TMEM132B: variants seen among roughly 807,000 people sequenced by gnomAD.
TMEM132B encodes transmembrane protein 132B.
A neutral mutation model predicts 90.8 loss-of-function variants in TMEM132B; 18 were observed. The ratio of observed to expected loss-of-function variants is 0.20; its 90% CI spans 0.14 to 0.29. The LOEUF is 0.29. Among genes scored for constraint, TMEM132B ranks in the 10% least tolerant of loss-of-function variants. The pLI, the probability that TMEM132B is intolerant of heterozygous loss-of-function variation, is 1.00. For synonymous variants in TMEM132B, 504 were observed against 523.3 expected, an observed-to-expected ratio of 0.96 and a Z score of 0.50; for missense variants, 1,096 against 1,326.8, an observed-to-expected ratio of 0.83 and a Z score of 2.70.
chr12:125,650,523 T>C (rs1352858653), intron 6 of TMEM132B, among the ~76,000 whole-genome samples, 160 bp from the exon 7 acceptor site: 1 of 152,170 alleles, frequency 6.6e-6, no homozygotes, highest in Non-Finnish European at 1.5e-5. Context: ...GCTTGTGGAA[T>C]GAGTGAATGA....
At chr12:125,283,247 G>A (rs1464400812) in intron 1 of TMEM132B, among the ~76,000 whole-genome samples, 1 of 151,998 alleles carries the variant, frequency 6.6e-6, no homozygotes, top group Non-Finnish European at 1.5e-5. Flanking sequence ...GTACATATTA[G>A]GTTTTCTTCA....
At chr12:125,480,947 G>A (rs1306737284) in intron 3 of TMEM132B, among the ~76,000 whole-genome samples, 7 of 152,044 alleles carry the variant, frequency 4.6e-5, no homozygotes, top group Admixed American at 3.3e-4. Flanking sequence ...ATGCAAGGCT[G>A]GTTCAACATA....
intron 1 of TMEM132B, among the ~76,000 whole-genome samples, chr12:125,194,845 C>T (rs1872891007): frequency 6.6e-6 from 1 of 151,658 alleles, no homozygotes; most frequent in Admixed American, 6.6e-5. Context: ...TGCTAGAAAA[C>T]TTGTCTCTAA....
Position 125,492,255 on chromosome 12 carries a change from G to A in TMEM132B, c.1107-27184G>A, listed in dbSNP as rs1207868297. Among the ~76,000 whole-genome samples, 4 of 152,190 alleles carry A rather than the reference G, an allele frequency of 2.6e-5. No homozygotes were observed. The highest frequency in any genetic ancestry group is 2.0e-4 in the Admixed American group (3 of 15,286). Reference sequence around the variant, plus strand: ...GTTTCCTGTGCAAGTTACACCTGCCGTGGCAGCTCAGCCTTCCTCGTCTGT... The same window carrying A: ...GTTTCCTGTGCAAGTTACACCTGCCATGGCAGCTCAGCCTTCCTCGTCTGT... On this transcript the variant is annotated intron_variant, in intron 3 of 8. Coordinates refer to ENST00000682704, the MANE Select transcript of TMEM132B (RefSeq NM_001366854.1). This position sits in a 1 kb window ranked among gnomAD's most constrained non-coding sequence, Gnocchi z 5.8.
rs1348889210 is a variant in TMEM132B at position 125,186,573 on chromosome 12, G to A, written c.-227G>A. On this transcript the variant is annotated 5_prime_UTR_variant, in exon 1 of 9. Transcript: ENST00000682704. This position sits in a 1 kb window ranked among gnomAD's most constrained non-coding sequence, Gnocchi z 6.3. ...GGGCGCGGGGCGCTGAGCCTCGGCCGCCCCAGCTCCCCAGCCACGCACGGC... is the reference window on the plus strand; with the variant it reads ...GGGCGCGGGGCGCTGAGCCTCGGCCACCCCAGCTCCCCAGCCACGCACGGC... Among the ~76,000 whole-genome samples the A allele has an allele frequency of 8.9e-5, 13 of 146,742 alleles. No individual in the cohort carries two copies. Among genetic ancestry groups the A allele is most frequent in the Non-Finnish European group, 1.8e-4 (12 of 65,954 alleles).
At chr12:125,477,678 T>G (rs1881923291) in intron 3 of TMEM132B, among the ~76,000 whole-genome samples, 1 of 152,202 alleles carries the variant, frequency 6.6e-6, no homozygotes, top group Non-Finnish European at 1.5e-5. Flanking sequence ...ATTTTTAATT[T>G]GCTTCCTTTT....
intron 2 of TMEM132B, among the ~76,000 whole-genome samples, chr12:125,375,294 T>A (rs888078422): frequency 6.6e-6 from 1 of 152,204 alleles, no homozygotes; most frequent in Non-Finnish European, 1.5e-5. Context: ...CTCTAAAGAC[T>A]CAGGAGATGG....
intron 6 of TMEM132B, among the ~76,000 whole-genome samples, chr12:125,646,337 G>A (rs942539518): frequency 2.0e-5 from 3 of 152,226 alleles, no homozygotes; most frequent in African/African-American, 7.2e-5. Context: ...AAAAGAAACA[G>A]GGACCTGATG....
chr12:125,268,558 G>T (rs890587263), intron 1 of TMEM132B, among the ~76,000 whole-genome samples: 1 of 152,174 alleles, frequency 6.6e-6, no homozygotes, highest in Non-Finnish European at 1.5e-5. Flanking sequence ...ACCAAACCAC[G>T]TGCAGAACAG....
intron 7 of TMEM132B, among the ~76,000 whole-genome samples, chr12:125,651,678 A>C (rs1368898461): frequency 6.6e-6 from 1 of 152,184 alleles, no homozygotes; most frequent in Non-Finnish European, 1.5e-5. Flanking sequence ...CAGGTCAGGC[A>C]TCTGTGTGGG....
intron 2 of TMEM132B, among the ~76,000 whole-genome samples, chr12:125,358,247 T>C (rs1228924672): frequency 3.3e-5 from 5 of 152,204 alleles, no homozygotes; most frequent in African/African-American, 1.2e-4. Flanking sequence ...CATTTTCATT[T>C]TGTTTTACTT....
At position 125,407,760 on chromosome 12, in the gene TMEM132B, G is replaced by C. The variant is rs1879545568; in HGVS notation, c.960-7771G>C. ...AGGTCTGGGGGAGAAACGCCTCTGT[G>C]TGTCTGGGGTGGTGACATTTGGGTT... On this transcript the variant is annotated intron_variant, in intron 2 of 8. Transcript: ENST00000682704. This position sits in a 1 kb window ranked among gnomAD's most constrained non-coding sequence, Gnocchi z 6.7. 6.6e-6 allele frequency among the ~76,000 whole-genome samples: 1 copy of C among 152,180 alleles called. No homozygotes were observed. Among genetic ancestry groups the C allele is most frequent in the South Asian group, 2.1e-4 (1 of 4,822 alleles).
chr12:125,564,384 T>C (rs1884614378), intron 4 of TMEM132B, among the ~76,000 whole-genome samples: 1 of 152,202 alleles, frequency 6.6e-6, no homozygotes, highest in Non-Finnish European at 1.5e-5. Context: ...TAGGATGTAA[T>C]TTTCATAGAG....
chr12:125,424,062 T>C (rs895811068), intron 3 of TMEM132B, among the ~76,000 whole-genome samples: 1 of 152,258 alleles, frequency 6.6e-6, no homozygotes, highest in Non-Finnish European at 1.5e-5. Flanking sequence ...TATAATATTC[T>C]ATTGATATTA....
At chr12:125,526,987 C>G (rs1360167235) in intron 4 of TMEM132B, among the ~76,000 whole-genome samples, 1 of 150,530 alleles carries the variant, frequency 6.6e-6, no homozygotes, top group African/African-American at 2.5e-5. Flanking sequence ...ACCACCCATC[C>G]ACCCTTCTAT....
intron 3 of TMEM132B, among the ~76,000 whole-genome samples, chr12:125,479,289 A>T (rs1208811647): frequency 6.6e-6 from 1 of 152,242 alleles, no homozygotes; most frequent in African/African-American, 2.4e-5. Flanking sequence ...AATGGACTAA[A>T]TGCCCCAATT....
intron 5 of TMEM132B, among the ~76,000 whole-genome samples, chr12:125,612,098 A>G (rs1885843772): frequency 6.6e-6 from 1 of 152,136 alleles, no homozygotes; most frequent in Admixed American, 6.6e-5. Context: ...TTTGGTGAAC[A>G]TATATTTATA....
intron 1 of TMEM132B, among the ~76,000 whole-genome samples, chr12:125,336,159 G>A (rs919497973): frequency 6.6e-6 from 1 of 152,188 alleles, no homozygotes; most frequent in Middle Eastern, 3.4e-3. Flanking sequence ...ACTCTTTCCA[G>A]CCCCTTCTGT....
chr12:125,244,521 C>T (rs1874164412), intron 1 of TMEM132B, among the ~76,000 whole-genome samples: 1 of 152,202 alleles, frequency 6.6e-6, no homozygotes, highest in Non-Finnish European at 1.5e-5. Context: ...CTGCATCTTC[C>T]CCAGTGTTCT....
Sources: allele counts gnomAD v4.1 joint callset (sites outside exome capture counted in the v4.1 genomes callset), GRCh38; gene constraint gnomAD v4.1.1; non-coding constraint Gnocchi (gnomAD v3.1); transcripts MANE v1.5; gene names NCBI Gene and HGNC (gene_info 2026-07-23, HGNC 2026-07-21).